PPFIBP1: variants seen among roughly 807,000 people sequenced by gnomAD.
PPFIBP1 encodes liprin-beta-1.
A neutral mutation model predicts 137.8 loss-of-function variants in PPFIBP1; 112 were observed. The ratio of observed to expected loss-of-function variants is 0.81; its 90% confidence interval spans 0.70 to 0.95. The LOEUF (loss-of-function observed/expected upper bound fraction) is 0.95, where lower values mean the gene tolerates loss of function less well. Ranked by LOEUF, PPFIBP1 falls within the 40% of genes least tolerant of loss-of-function variation. PPFIBP1 has a pLI of 0.00. For synonymous variants in PPFIBP1, 378 were observed against 417.3 expected (o/e 0.91, Z 1.15); for missense variants, 1,083 against 1,196.6 (o/e 0.91, Z 1.40).
intron 18 of PPFIBP1, 180 bp from the exon 19 acceptor site, chr12:27,676,884 G>A: frequency 2.4e-6 from 2 of 817,460 alleles, no homozygotes; most frequent in Admixed American, 2.0e-5. Flanking sequence ...TGTTGTGATA[G>A]TGGATAAATT....
At chr12:27,611,515 G>C (rs1230468751) in intron 2 of PPFIBP1, among the ~76,000 whole-genome samples, 1 of 152,174 alleles carries the variant, frequency 6.6e-6, no homozygotes, top group African/African-American at 2.4e-5. Context: ...GTCACATGCT[G>C]AGGTCCTGGG....
intron 18 of PPFIBP1, 121 bp from the exon 19 acceptor site, chr12:27,676,943 A>G (rs754995403): frequency 3.1e-6 from 4 of 1,276,950 alleles, no homozygotes; most frequent in Non-Finnish European, 4.5e-6. Context: ...TGTGTGCCGC[A>G]TGCCTCTCCT....
At chr12:27,537,677 T>C (rs760555907) in intron 1 of PPFIBP1, among the ~76,000 whole-genome samples, 1 of 152,024 alleles carries the variant, frequency 6.6e-6, no homozygotes, top group Non-Finnish European at 1.5e-5. Context: ...AATTCACCTA[T>C]TGAAATTCAG....
intron 2 of PPFIBP1, among the ~76,000 whole-genome samples, chr12:27,597,633 T>C (rs528819480): frequency 6.6e-6 from 1 of 152,276 alleles, no homozygotes; most frequent in African/African-American, 2.4e-5. Context: ...GGAGAAACTA[T>C]GTTTTGTCAT....
chr12:27,588,667 A>G (rs2052087626), intron 2 of PPFIBP1, among the ~76,000 whole-genome samples: 1 of 152,204 alleles, frequency 6.6e-6, no homozygotes, highest in Admixed American at 6.5e-5. Context: ...GTGAGGAAAA[A>G]CTAAATAAAT....
At chr12:27,585,420 T>C (rs2051620511) in intron 2 of PPFIBP1, among the ~76,000 whole-genome samples, 1 of 152,208 alleles carries the variant, frequency 6.6e-6, no homozygotes, top group South Asian at 2.1e-4. Context: ...GAGAGTTAAT[T>C]AAAGTAGAAG....
intron 7 of PPFIBP1, 67 bp downstream of exon 7, chr12:27,650,208 A>G: frequency 7.2e-7 from 1 of 1,384,310 alleles, no homozygotes; most frequent in Non-Finnish European, 9.8e-7. Flanking sequence ...TCTGACACAC[A>G]TACATTCCTA....
intron 2 of PPFIBP1, among the ~76,000 whole-genome samples, chr12:27,583,779 T>C (rs541751254): frequency 6.6e-6 from 1 of 152,310 alleles, no homozygotes; most frequent in Non-Finnish European, 1.5e-5. Flanking sequence ...ATCTCTTCTT[T>C]GCAAGACTGT....
chr12:27,566,937 T>C (rs1214597626), intron 1 of PPFIBP1, among the ~76,000 whole-genome samples: 1 of 152,194 alleles, frequency 6.6e-6, no homozygotes, highest in Non-Finnish European at 1.5e-5. Flanking sequence ...AAATACTACT[T>C]TATAATAAGT....
intron 1 of PPFIBP1, among the ~76,000 whole-genome samples, chr12:27,550,062 T>A (rs895385338): frequency 2.0e-5 from 3 of 152,210 alleles, no homozygotes; most frequent in African/African-American, 7.2e-5. Flanking sequence ...TGGAGCATAA[T>A]GAAGTAAGTG....
At chr12:27,575,620 T>C (rs920787123) in intron 1 of PPFIBP1, among the ~76,000 whole-genome samples, 4 of 152,220 alleles carry the variant, frequency 2.6e-5, no homozygotes, top group African/African-American at 7.2e-5. Flanking sequence ...GACCCAAATA[T>C]AGACTGGTTT....
intron 2 of PPFIBP1, among the ~76,000 whole-genome samples, chr12:27,600,712 T>C (rs781770190): frequency 2.8e-4 from 43 of 152,170 alleles, no homozygotes; most frequent in Admixed American, 1.3e-4. Flanking sequence ...CATTTTACCT[T>C]TGAGGACAAA....
intron 6 of PPFIBP1, among the ~76,000 whole-genome samples, chr12:27,648,151 T>TA (rs1465558253): frequency 6.6e-6 from 1 of 152,052 alleles, no homozygotes; most frequent in African/African-American, 2.4e-5. Flanking sequence ...AATATAATAG[T>TA]AAAAAATCTA....
rs189078568 is a variant in PPFIBP1 at position 27,525,975 on chromosome 12, G to A, written c.-124+1610G>A. On this transcript the variant is annotated intron_variant, in intron 1 of 29. Transcript: ENST00000228425. ...AAAGACAACATTTTAATTTTGGTTT[G>A]TATTTTGGCTTAAGACACAGAAATT... Among the ~76,000 whole-genome samples, 21 of 152,310 alleles carry A rather than the reference G, an allele frequency of 1.4e-4. No individual in the cohort carries two copies. The East Asian group carries it at 4.1e-3, about 29-fold the overall frequency.
chr12:27,652,297 C>A (rs1031403930), intron 7 of PPFIBP1, among the ~76,000 whole-genome samples: 1 of 152,108 alleles, frequency 6.6e-6, no homozygotes, highest in African/African-American at 2.4e-5. Flanking sequence ...TTGGAAGATT[C>A]AGGACTTGTC....
chr12:27,541,501 G>A (rs1945665032), intron 1 of PPFIBP1, among the ~76,000 whole-genome samples: 1 of 152,094 alleles, frequency 6.6e-6, no homozygotes, highest in Non-Finnish European at 1.5e-5. Flanking sequence ...GAAGGCAGGC[G>A]GAGCAGAGAC....
rs188252492 is a variant in PPFIBP1 at position 27,586,847 on chromosome 12, C to A, written c.-36+8608C>A. 5.3e-3 allele frequency among the ~76,000 whole-genome samples: 438 copies of A among 82,440 alleles called. 2 individuals are homozygous for A. Among genetic ancestry groups the A allele is most frequent in the African/African-American group, 0.02 (412 of 20,658 alleles). 54.1% of individuals were successfully genotyped at this position (82,440 alleles called of 152,430 possible). ...ATGGCTCAAAATAAAAGAAAATGTC[C>A]AATTTGAAGAAATTCTTAGTATTGT... On this transcript the variant is annotated intron_variant, in intron 2 of 29. Transcript: ENST00000228425.
chr12:27,674,472 A>G (rs1476653467), intron 17 of PPFIBP1, among the ~76,000 whole-genome samples: 3 of 152,190 alleles, frequency 2.0e-5, no homozygotes, highest in Non-Finnish European at 2.9e-5. Flanking sequence ...GAAGCTGTTT[A>G]AGGGTAAGGG....
intron 1 of PPFIBP1, among the ~76,000 whole-genome samples, chr12:27,561,599 G>T (rs1431436087): frequency 1.3e-5 from 2 of 152,138 alleles, no homozygotes; most frequent in African/African-American, 2.4e-5. Flanking sequence ...TCTTTAAAAT[G>T]GCACAGAAGT....
Sources: allele counts gnomAD v4.1 joint callset (sites outside exome capture counted in the v4.1 genomes callset), GRCh38; gene constraint gnomAD v4.1.1; transcripts MANE v1.5; gene names NCBI Gene and HGNC (gene_info 2026-07-23, HGNC 2026-07-21).